The following RASAL1 variants were observed in gnomAD, a reference collection of about 807,000 sequenced individuals.
RASAL1 encodes the protein RAS protein activator like 1.
In RASAL1, 72 loss-of-function variants were observed where a neutral mutation model predicts 96.6. That is an observed-to-expected ratio of 0.75 (90% CI 0.62 to 0.91). The LOEUF (loss-of-function observed/expected upper bound fraction) is 0.91. Among genes scored for constraint, RASAL1 ranks in the 40% least tolerant of loss-of-function variants. The pLI, the probability that RASAL1 is intolerant of heterozygous loss-of-function variation, is 0.00. For missense variants in RASAL1, 1,016 were observed against 1,072.5 expected (o/e 0.95, Z 0.74); for synonymous variants, 405 against 430.4 (o/e 0.94, Z 0.73).
At position 113,126,729 on chromosome 12, in the gene RASAL1, A is replaced by ACACAC. The variant is rs1372948791; in HGVS notation, c.298+1082_298+1083insGTGTG. On this transcript the variant is annotated intron_variant, in intron 4 of 20. Transcript: ENST00000548055. ...ACACACACACACACACACACACACAAAAGGCATAGACTCTGGAACTAGACA... is the reference window on the plus strand; with the variant it reads ...ACACACACACACACACACACACACAACACACAAGGCATAGACTCTGGAACTAGACA... 7.7e-5 allele frequency among the ~76,000 whole-genome samples: 11 copies of ACACAC among 142,400 alleles called. No individual in the cohort carries two copies. The East Asian group carries it at 1.9e-3, about 25-fold the overall frequency. 93.4% of individuals were successfully genotyped at this position (142,400 alleles called of 152,430 possible).
At chr12:113,108,013 C>T (rs1336484510) in intron 14 of RASAL1, 72 bp downstream of exon 14, 42 of 1,515,360 alleles carry the variant, frequency 2.8e-5, no homozygotes, top group Non-Finnish European at 3.5e-5. Context: ...GGTCTGGCCT[C>T]CCAGCTCTGC....
intron 12 of RASAL1, among the ~76,000 whole-genome samples, chr12:113,114,303 T>C (rs931896331): frequency 1.3e-5 from 2 of 151,792 alleles, no homozygotes; most frequent in Admixed American, 6.6e-5. Flanking sequence ...CAAAACCCTG[T>C]CTCTGCTAAA....
At chr12:113,125,050 C>A (rs1951431126) in intron 4 of RASAL1, among the ~76,000 whole-genome samples, 1 of 150,666 alleles carries the variant, frequency 6.6e-6, no homozygotes, top group Non-Finnish European at 1.5e-5. Flanking sequence ...TTGCTTGAGG[C>A]CAGGAGTTCA....
intron 2 of RASAL1, among the ~76,000 whole-genome samples, chr12:113,128,766 T>C (rs931519611): frequency 1.3e-5 from 2 of 152,044 alleles, no homozygotes; most frequent in African/African-American, 2.4e-5. Context: ...TAAAAACATG[T>C]ACCTTTGTGT....
chr12:113,117,020 A>C, intron 8 of RASAL1, 53 bp downstream of exon 8: 1 of 1,426,576 alleles, frequency 7.0e-7, no homozygotes, highest in Non-Finnish European at 9.6e-7. Flanking sequence ...CAAGCTGTGG[A>C]TGCTGCCCGG....
At position 113,107,238 on chromosome 12, in the gene RASAL1, C is replaced by T. The variant is rs1002600508; in HGVS notation, c.1516G>A (p.Val506Met). ...SRSLLLLAKA[V>M]QSIGNLGQQL... ...TGGCCCAGGTTTCCAATGCTCTGCA[C>T]AGCCTGGAGCAAAGAAGCGAGGGAT... The change falls in exon 15 of 21, where the codon GTG (valine) becomes ATG (methionine). Residue 506 changes from valine (V) to methionine (M), a missense_variant. Transcript: ENST00000548055. The T allele has an allele frequency of 9.4e-6, 15 of 1,595,834 alleles. No homozygotes were observed. The highest frequency in any genetic ancestry group is 2.7e-5 in the African/African-American group (2 of 74,384).
Position 113,130,914 on chromosome 12 carries a change from T to C in RASAL1, c.93A>G (p.Leu31=). Residue 31 remains leucine, a synonymous_variant, in exon 2 of 21, where the codon CTA becomes CTG. Transcript: ENST00000548055. This position sits in a 1 kb window ranked among gnomAD's most constrained non-coding sequence, Gnocchi z 5.1. ...DVSGSSDPYC[L]VKVDDEVVAR... is the part of the protein sequence containing the mutation. ...CCACCACCTCGTCGTCCACTTTCAC[T>C]AGGCAGTAGGGGTCGCTGCTCCCAG... The C allele has an allele frequency of 6.2e-7, 1 of 1,613,468 alleles. No homozygotes were observed. Among genetic ancestry groups the C allele is most frequent in the South Asian group, 1.1e-5 (1 of 91,020 alleles).
At chr12:113,133,470 T>C (rs1294164740) in intron 1 of RASAL1, among the ~76,000 whole-genome samples, 1 of 152,166 alleles carries the variant, frequency 6.6e-6, no homozygotes, top group Non-Finnish European at 1.5e-5. Context: ...CTATATGAAG[T>C]GTTAAGCACA....
chr12:113,121,523 A>G lies in RASAL1; in HGVS notation c.414T>C (p.His138=). ...CTTAAGCATACCTGGCCTGAAGCAC[A>G]TGGCAGCGAAGGCAGCGGCCCTGCC... ...EDGQGRCLRC[H]VLQARDLAPR... Residue 138 remains histidine, a synonymous_variant, in exon 5 of 21, where the codon CAT becomes CAC. Coordinates refer to ENST00000548055, the MANE Select transcript of RASAL1 (RefSeq NM_001301202.2). 2 of 1,614,166 alleles carry G rather than the reference A, an allele frequency of 1.2e-6. No individual in the cohort carries two copies. The highest frequency in any genetic ancestry group is 2.2e-5 in the South Asian group (2 of 91,080).
At chr12:113,131,358 T>C (rs1951703412) in intron 1 of RASAL1, among the ~76,000 whole-genome samples, 1 of 152,060 alleles carries the variant, frequency 6.6e-6, no homozygotes. Context: ...ATAAATCAGG[T>C]GTGATGCTCA....
intron 20 of RASAL1, among the ~76,000 whole-genome samples, 181 bp downstream of exon 20, chr12:113,100,447 C>T (rs536526885): frequency 3.9e-4 from 59 of 152,266 alleles, no homozygotes; most frequent in African/African-American, 1.3e-3. Context: ...CACAGGTGTG[C>T]ACCACCACGC....
intron 13 of RASAL1, among the ~76,000 whole-genome samples, chr12:113,111,077 C>T (rs1360852127): frequency 6.7e-6 from 1 of 150,306 alleles, no homozygotes; most frequent in African/African-American, 2.4e-5. Context: ...CTTCATGTCT[C>T]CCTACCACCC....
chr12:113,103,669 A>G (rs74783089), intron 18 of RASAL1: 5,874 of 531,576 alleles, frequency 0.011, 48 homozygotes, highest in Middle Eastern at 0.019. Context: ...ATGATGTTTG[A>G]GTACCACTGG....
intron 4 of RASAL1, among the ~76,000 whole-genome samples, chr12:113,126,552 C>T (rs189159984): frequency 1.8e-3 from 275 of 152,168 alleles, no homozygotes; most frequent in Non-Finnish European, 3.0e-3. Flanking sequence ...TGTGGTGGTG[C>T]ACGCCTGTAG....
chr12:113,099,882 G>C lies in RASAL1; in HGVS notation c.*47C>G. On this transcript the variant is annotated 3_prime_UTR_variant, in exon 21 of 21. Transcript: ENST00000548055. ...TCCCGGGGCAGGATGCGCTGAAGAGGGCCCCCTGGCTCTTGCTCCTCCTTC... is the reference window on the plus strand; with the variant it reads ...TCCCGGGGCAGGATGCGCTGAAGAGCGCCCCCTGGCTCTTGCTCCTCCTTC... The C allele has an allele frequency of 6.3e-7, 1 of 1,576,982 alleles. No homozygotes were observed. The highest frequency in any genetic ancestry group is 1.1e-5 in the South Asian group (1 of 87,456).
At chr12:113,102,947 A>G in intron 18 of RASAL1, 1 of 171,306 alleles carries the variant, frequency 5.8e-6, no homozygotes, top group Non-Finnish European at 1.3e-5. Context: ...CCCATCTCCC[A>G]GTTCTGTCTC....
intron 13 of RASAL1, among the ~76,000 whole-genome samples, chr12:113,111,082 C>T (rs1950849737): frequency 1.3e-5 from 2 of 149,380 alleles, no homozygotes; most frequent in South Asian, 4.3e-4. Context: ...TGTCTCCCTA[C>T]CACCCCACGC....
At position 113,130,888 on chromosome 12, in the gene RASAL1, G is replaced by A. The variant is rs772185784; in HGVS notation, c.119C>T (p.Ala40Val). ...CCCCCGTGTCGCCACCCCTCACCTG[G>A]CCACCACCTCGTCGTCCACTTTCAC... is the stretch of plus-strand genomic sequence containing the variant. ...CLVKVDDEVV[A>V]RTATVWRSLG... Residue 40 changes from alanine to valine, a missense_variant, in exon 2 of 21, where the codon GCC becomes GTC. By Grantham distance (64) the Ala-to-Val change is moderately conservative (BLOSUM62 0). Coordinates refer to ENST00000548055, the MANE Select transcript of RASAL1 (RefSeq NM_001301202.2). The surrounding 1 kb of genome is among the most constrained non-coding windows in gnomAD (Gnocchi z 5.1). The A allele has an allele frequency of 1.9e-6, 3 of 1,613,152 alleles. No individual in the cohort carries two copies. The highest frequency in any genetic ancestry group is 2.5e-6 in the Non-Finnish European group (3 of 1,179,536).
intron 15 of RASAL1, among the ~76,000 whole-genome samples, chr12:113,106,322 A>T (rs902768917): frequency 2.6e-5 from 4 of 152,150 alleles, no homozygotes; most frequent in African/African-American, 9.7e-5. Flanking sequence ...GGATCCAACT[A>T]GGTTATGACC....
Sources: gnomAD v4.1 joint callset for allele counts (sites outside exome capture counted in the v4.1 genomes callset) on GRCh38, gnomAD v4.1.1 for gene constraint, Gnocchi (gnomAD v3.1) non-coding constraint, MANE v1.5 for transcripts, NCBI Gene and HGNC (gene_info 2026-07-23, HGNC 2026-07-21) for gene names.